Variants in CDKL5 observed in about 807,000 individuals in gnomAD.
The protein encoded by CDKL5 is cyclin dependent kinase like 5.
Under a neutral mutation model 61.7 loss-of-function variants are expected in CDKL5, and 8 were observed. The ratio of observed to expected loss-of-function variants is 0.13; its 90% CI spans 0.08 to 0.23. The LOEUF is 0.23. Ranked by LOEUF, CDKL5 falls within the 10% of genes least tolerant of loss-of-function variation. The pLI, the probability that CDKL5 is intolerant of heterozygous loss-of-function variation, is 1.00. For synonymous variants in CDKL5, 275 were observed against 272.3 expected (o/e 1.01, Z -0.10); for missense variants, 440 against 734.5 (o/e 0.60, Z 4.63).
chrX:18,431,589 T>C (rs1204391926), intron 1 of CDKL5, among the ~76,000 whole-genome samples: 1 of 103,834 alleles, frequency 9.6e-6, no homozygotes, highest in Non-Finnish European at 2.0e-5. Flanking sequence ...GCCTAGCTAA[T>C]TTTTTTTTTT....
rs1162349724 is a variant in CDKL5 at position 18,637,397 on chromosome X, A to T, written c.*8640A>T. The T allele has an allele frequency of 9.4e-6, 1 of 106,086 alleles. No individual in the cohort carries two copies. The highest frequency in any genetic ancestry group is 2.9e-4 in the East Asian group (1 of 3,400). The allele number at this position is 106,086 out of a possible 1,213,427, so 8.7% of individuals were successfully genotyped here. On this transcript the variant is annotated 3_prime_UTR_variant, in exon 18 of 18. Transcript: ENST00000623535. Reference sequence around the variant, plus strand: ...CGAGACTCTGTCTCAAAAAAAAAAAAAAAAAAATACAAAAATTAGCCGGGA... The same window carrying T: ...CGAGACTCTGTCTCAAAAAAAAAAATAAAAAAATACAAAAATTAGCCGGGA...
intron 3 of CDKL5, among the ~76,000 whole-genome samples, chrX:18,516,000 TTCTC>T (rs61114888): frequency 1.9e-5 from 2 of 107,153 alleles, no homozygotes; most frequent in South Asian, 8.5e-4. Flanking sequence ...CTTTCCTTCT[TTCTC>T]TCTCTCTCTC....
intron 6 of CDKL5, among the ~76,000 whole-genome samples, chrX:18,581,194 G>A (rs1369683263): frequency 1.8e-5 from 2 of 111,827 alleles, no homozygotes; most frequent in Non-Finnish European, 3.8e-5. Context: ...TCTACCATAT[G>A]ATATAGATCA....
intron 11 of CDKL5, 101 bp downstream of exon 11, chrX:18,598,714 G>C (rs762953427): frequency 1.3e-3 from 915 of 724,271 alleles, no homozygotes; most frequent in African/African-American, 2.0e-3. Context: ...AAGAAGGAAA[G>C]CCCTCTTTAT....
rs773760466 is a variant in CDKL5, at chrX:18,628,446, C to T, written c.2572C>T (p.Arg858Cys). 2.6e-5 allele frequency: 31 copies of T among 1,210,110 alleles called. No homozygotes were observed. The highest frequency in any genetic ancestry group is 6.5e-5 in the Admixed American group (3 of 45,818). The change falls in exon 18 of 18, where the codon CGC (arginine) becomes TGC (cysteine). Residue 858 changes from arginine to cysteine, a missense_variant. Physicochemically the swap from Arg to Cys is radical, Grantham distance 180. Around this residue, in one of 2 missense-constraint regions of CDKL5, gnomAD observed 363 missense variants for 516.3 expected, o/e 0.70. Transcript: ENST00000623535. Reference sequence around the variant, plus strand: ...AAATCACCCGGCTTCCTCAGATCCCCGCTTCCAGCCCTTAACAGCTCAACA... The same window carrying T: ...AAATCACCCGGCTTCCTCAGATCCCTGCTTCCAGCCCTTAACAGCTCAACA... ...ASNHPASSDP[R>C]FQPLTAQQTK...
rs141105432 is a variant in CDKL5, at chrX:18,488,863, A to G, written c.-162-18072A>G. 2.8e-3 allele frequency among the ~76,000 whole-genome samples: 319 copies of G among 112,123 alleles called. 2 individuals are homozygous for G. The highest frequency in any genetic ancestry group is 9.9e-3 in the African/African-American group (307 of 30,885). ...GGCATGGCTAACCAGCATTAATGTTAAAACAGACTCTTTGTAGCAGTAAGA... is the reference window on the plus strand; with the variant it reads ...GGCATGGCTAACCAGCATTAATGTTGAAACAGACTCTTTGTAGCAGTAAGA... On this transcript the variant is annotated intron_variant, in intron 1 of 17. Transcript: ENST00000623535.
intron 3 of CDKL5, among the ~76,000 whole-genome samples, chrX:18,549,547 G>A: frequency 8.9e-6 from 1 of 112,072 alleles, no homozygotes; most frequent in Non-Finnish European, 1.9e-5. Context: ...ATTGGTTTTT[G>A]TCTTCTGATC....
chrX:18,495,258 C>G (rs1411098645), intron 1 of CDKL5, among the ~76,000 whole-genome samples: 1 of 112,090 alleles, frequency 8.9e-6, no homozygotes, highest in Non-Finnish European at 1.9e-5. Flanking sequence ...GAAGAAAAGA[C>G]CCGTTGAGAT....
chrX:18,588,092 A>T lies in CDKL5; in HGVS notation c.693A>T (p.Pro231=). ...TTCAGAAGGTGCTAGGACCACTTCCATCTGAGCAGATGAAGCTTTTCTACA... is the reference window on the plus strand; with the variant it reads ...TTCAGAAGGTGCTAGGACCACTTCCTTCTGAGCAGATGAAGCTTTTCTACA... ...FTIQKVLGPL[P]SEQMKLFYSN... Residue 231 remains proline, a synonymous_variant, in exon 9 of 18, where the codon CCA becomes CCT. Transcript: ENST00000623535. 8.3e-7 allele frequency: 1 copy of T among 1,210,713 alleles called. No homozygotes were observed. Among genetic ancestry groups the T allele is most frequent in the Non-Finnish European group, 1.1e-6 (1 of 894,892 alleles).
chrX:18,498,958 A>T, intron 1 of CDKL5, among the ~76,000 whole-genome samples: 1 of 110,880 alleles, frequency 9.0e-6, no homozygotes, highest in Non-Finnish European at 1.9e-5. Flanking sequence ...TTTAGTAGAG[A>T]CAGGATTTCA....
intron 19 of CDKL5, among the ~76,000 whole-genome samples, chrX:18,645,650 C>T (rs1435051996): frequency 9.0e-6 from 1 of 111,423 alleles, no homozygotes; most frequent in Non-Finnish European, 1.9e-5. Flanking sequence ...TTTCTTCCCA[C>T]ACCTCAACTA....
At chrX:18,549,539 T>C (rs1924313742) in intron 3 of CDKL5, among the ~76,000 whole-genome samples, 1 of 112,324 alleles carries the variant, frequency 8.9e-6, no homozygotes, top group South Asian at 3.7e-4. Context: ...GTCAATAAAT[T>C]GGTTTTTGTC....
At chrX:18,515,820 G>A (rs921174787) in intron 3 of CDKL5, among the ~76,000 whole-genome samples, 24 of 111,352 alleles carry the variant, frequency 2.2e-4, no homozygotes, top group Non-Finnish European at 3.2e-4. Context: ...TTTTACACAT[G>A]AGGAGACTGA....
In CDKL5 at chrX:18,630,007, C is replaced by A. The variant is rs1221589308; in HGVS notation, c.*1250C>A. Reference sequence around the variant, plus strand: ...TGTCCACTGTCCCGGAGACTCTTGGCTGATGGGGTGTGAGATATATGTGTG... The same window carrying A: ...TGTCCACTGTCCCGGAGACTCTTGGATGATGGGGTGTGAGATATATGTGTG... On this transcript the variant is annotated 3_prime_UTR_variant, in exon 18 of 18. Transcript: ENST00000623535. 2 of 752,276 alleles carry A rather than the reference C, an allele frequency of 2.7e-6. No homozygotes were observed. The highest frequency in any genetic ancestry group is 4.6e-5 in the African/African-American group (2 of 43,092). The allele number at this position is 752,276 out of a possible 1,213,427, so 62.0% of individuals were successfully genotyped here.
chrX:18,471,312 C>T (rs779056517), intron 1 of CDKL5, among the ~76,000 whole-genome samples: 3 of 111,617 alleles, frequency 2.7e-5, no homozygotes, highest in Non-Finnish European at 3.8e-5. Flanking sequence ...AAGCATTTAT[C>T]CTTTCTTTGT....
At position 18,629,707 on chromosome X, in the gene CDKL5, A is replaced by AG; in HGVS notation, c.*954dup. ...ATGCAGCATCTCTTTCCAAACCTGC[A>AG]GGGGAAGAAAGTCAGATAGGCCAGT... On this transcript the variant is annotated 3_prime_UTR_variant, in exon 18 of 18. Transcript: ENST00000623535. 4.0e-6 allele frequency: 3 copies of AG among 753,860 alleles called. No individual in the cohort carries two copies. Among genetic ancestry groups the AG allele is most frequent in the Non-Finnish European group, 4.7e-6 (3 of 639,104 alleles). 62.1% of individuals were successfully genotyped at this position (753,860 alleles called of 1,213,427 possible). A position where few individuals can be genotyped will look rare whatever the true frequency, so the allele number is the denominator to read the frequency against.
chrX:18,442,893 C>G (rs1931786158), intron 1 of CDKL5, among the ~76,000 whole-genome samples: 1 of 111,970 alleles, frequency 8.9e-6, no homozygotes, highest in South Asian at 3.6e-4. Context: ...TTTGGTTACT[C>G]TTAAAATTTT....
At chrX:18,503,837 G>A (rs926962791) in intron 1 of CDKL5, among the ~76,000 whole-genome samples, 1 of 111,822 alleles carries the variant, frequency 8.9e-6, no homozygotes, top group East Asian at 2.8e-4. Flanking sequence ...GCCCTCCTGG[G>A]CTCAAGCAAT....
chrX:18,621,250 G>T (rs1926881542), intron 16 of CDKL5, among the ~76,000 whole-genome samples: 1 of 111,779 alleles, frequency 8.9e-6, no homozygotes, highest in African/African-American at 3.3e-5. Context: ...TTAGGTAGAT[G>T]TTCATAGCAA....
Sources: gnomAD v4.1 joint callset for allele counts (sites outside exome capture counted in the v4.1 genomes callset) on GRCh38, gnomAD v4.1.1 for gene constraint, gnomAD v4.1.1 regional missense constraint, MANE v1.5 for transcripts, NCBI Gene and HGNC (gene_info 2026-07-23, HGNC 2026-07-21) for gene names.